The following CATSPERE variants were observed in gnomAD, a reference collection of about 807,000 sequenced individuals.
CATSPERE encodes cation channel sperm-associated auxiliary subunit epsilon.
In CATSPERE, 93 loss-of-function variants were observed where a neutral mutation model predicts 114.1. The ratio of observed to expected loss-of-function variants is 0.81; its 90% CI spans 0.69 to 0.97. CATSPERE has a LOEUF of 0.97. Ranked by LOEUF, CATSPERE falls within the 50% of genes least tolerant of loss-of-function variation. The pLI is 0.00. For missense variants in CATSPERE, 1,058 were observed against 1,131.6 expected (o/e 0.93, Z 0.93); for synonymous variants, 341 against 384.1 (o/e 0.89, Z 1.31).
intron 9 of CATSPERE, among the ~76,000 whole-genome samples, chr1:244,558,162 C>T (rs1213814191): frequency 5.8e-5 from 5 of 86,300 alleles, no homozygotes; most frequent in African/African-American, 2.1e-4. Flanking sequence ...TTTTTTGAGA[C>T]GGAGTTTTAC....
chr1:244,485,899 T>C (rs1670935119), intron 5 of CATSPERE, among the ~76,000 whole-genome samples: 1 of 151,962 alleles, frequency 6.6e-6, no homozygotes, highest in East Asian at 1.9e-4. Flanking sequence ...TTTCACTTTG[T>C]TGCCCAAGGT....
chr1:244,523,831 T>C (rs1258307699), intron 8 of CATSPERE, among the ~76,000 whole-genome samples: 2 of 147,756 alleles, frequency 1.4e-5, no homozygotes, highest in Non-Finnish European at 3.0e-5. Flanking sequence ...CTCAATGAAA[T>C]AAAAGAGGAT....
Position 244,591,739 on chromosome 1 carries a change from A to G in CATSPERE, c.2189+8A>G. The G allele has an allele frequency of 6.8e-7, 1 of 1,480,990 alleles. No individual in the cohort carries two copies. The highest frequency in any genetic ancestry group is 9.4e-7 in the Non-Finnish European group (1 of 1,066,482). The allele number at this position is 1,480,990 out of a possible 1,614,324, so 91.7% of individuals were successfully genotyped here. ...TTCATACGTGATTGAAAAGTAAGAA[A>G]TTTTTTAACATAAGCACTGAGTTTT... On this transcript the variant is annotated splice_region_variant and intron_variant, in intron 15 of 21. Transcript: ENST00000366534.
chr1:244,473,358 G>A (rs1487641430), intron 2 of CATSPERE, among the ~76,000 whole-genome samples: 2 of 152,066 alleles, frequency 1.3e-5, no homozygotes, highest in African/African-American at 4.8e-5. Context: ...AATGACATAC[G>A]ATGTGGAGAG....
chr1:244,549,958 GAA>G (rs1411522588), intron 8 of CATSPERE, among the ~76,000 whole-genome samples: 1 of 152,214 alleles, frequency 6.6e-6, no homozygotes, highest in Non-Finnish European at 1.5e-5. Flanking sequence ...AAGGGCAAAA[GAA>G]GAGCGAATGC....
intron 17 of CATSPERE, among the ~76,000 whole-genome samples, chr1:244,605,379 T>TA (rs1669848997): frequency 6.6e-6 from 1 of 152,212 alleles, no homozygotes; most frequent in Admixed American, 6.5e-5. Flanking sequence ...GAAGAGAACT[T>TA]AGAGTTCCAA....
rs569162015 is a variant in CATSPERE, at chr1:244,639,730, G to A, written c.2703-198G>A. Among the ~76,000 whole-genome samples, 9 of 149,712 alleles carry A rather than the reference G, an allele frequency of 6.0e-5. No homozygotes were observed. The South Asian group carries it at 1.9e-3, about 32-fold the overall frequency. On this transcript the variant is annotated intron_variant, in intron 21 of 21. Transcript: ENST00000366534. ...CCTCCTCCCATTGCATCACTGCATTGATCACCTTGTCTATTTTCCTCCCTG... is the reference window on the plus strand; with the variant it reads ...CCTCCTCCCATTGCATCACTGCATTAATCACCTTGTCTATTTTCCTCCCTG...
chr1:244,575,751 C>G lies in CATSPERE; in HGVS notation c.1950+2979C>G, dbSNP rs1412822796. On this transcript the variant is annotated intron_variant, in intron 11 of 21. Coordinates refer to ENST00000366534, the MANE Select transcript of CATSPERE (RefSeq NM_001130957.2). This position sits in a 1 kb window ranked among gnomAD's most constrained non-coding sequence, Gnocchi z 4.5. The stretch of plus-strand genomic sequence containing the variant: ...CGCTGCTGTTCTCCCCTCTCCTTCC[C>G]TTTCCCCTAGGGAGCAGCTGGTGGG... 6.6e-6 allele frequency among the ~76,000 whole-genome samples: 1 copy of G among 152,068 alleles called. No individual in the cohort carries two copies. Among genetic ancestry groups the G allele is most frequent in the Non-Finnish European group, 1.5e-5 (1 of 68,004 alleles).
chr1:244,465,632 A>G (rs897286057), intron 2 of CATSPERE, among the ~76,000 whole-genome samples: 15 of 152,130 alleles, frequency 9.9e-5, no homozygotes, highest in African/African-American at 3.6e-4. Context: ...CTTAACTGCT[A>G]TAGCTTTCTA....
Position 244,479,793 on chromosome 1 carries a change from T to G in CATSPERE, c.326+9T>G. ...TGGTACTATAGAGTTAGGTAAGTAATGCAGTACTGAATAGGTAATTATGCT... is the reference window on the plus strand; with the variant it reads ...TGGTACTATAGAGTTAGGTAAGTAAGGCAGTACTGAATAGGTAATTATGCT... On this transcript the variant is annotated intron_variant, in intron 5 of 21. Coordinates refer to ENST00000366534, the MANE Select transcript of CATSPERE (RefSeq NM_001130957.2). 1 of 1,499,274 alleles carries G rather than the reference T, an allele frequency of 6.7e-7. No homozygotes were observed. The highest frequency in any genetic ancestry group is 9.2e-7 in the Non-Finnish European group (1 of 1,088,034). The allele number at this position is 1,499,274 out of a possible 1,614,324, so 92.9% of individuals were successfully genotyped here. A position where few individuals can be genotyped will look rare whatever the true frequency, so the allele number is the denominator to read the frequency against.
rs74723640 is a variant in CATSPERE, at chr1:244,502,583, C to T, written c.429+3504C>T. ...CAGTGTTTTAAAGACACTGTTTCAC[C>T]GGCTCCTTACTTCCACTGTTGCTGT... On this transcript the variant is annotated intron_variant, in intron 7 of 21. Transcript: ENST00000366534. Among the ~76,000 whole-genome samples, 360 of 152,178 alleles carry T rather than the reference C, an allele frequency of 2.4e-3. 8 individuals carry two copies. In the East Asian group the frequency reaches 0.048, roughly 20 times the overall value.
intron 17 of CATSPERE, chr1:244,598,338 A>T (rs574202316): frequency 6.5e-6 from 1 of 153,174 alleles, no homozygotes; most frequent in African/African-American, 2.4e-5. Flanking sequence ...CATGACCTGA[A>T]CCCTGGTATA....
At chr1:244,587,971 G>A (rs534417512) in intron 13 of CATSPERE, among the ~76,000 whole-genome samples, 1 of 152,114 alleles carries the variant, frequency 6.6e-6, no homozygotes, top group Non-Finnish European at 1.5e-5. Context: ...GAGGCAGGTG[G>A]ATCACATGAG....
intron 12 of CATSPERE, among the ~76,000 whole-genome samples, chr1:244,582,909 TGATATATATATATATATATATATATA>T (rs1666400245): frequency 7.4e-5 from 2 of 27,062 alleles, no homozygotes; most frequent in Non-Finnish European, 1.8e-4. Context: ...AAACAGAATT[TGATATATATATATATATATATATATA>T]TATATATATA....
At chr1:244,548,277 A>T (rs893662162) in intron 8 of CATSPERE, among the ~76,000 whole-genome samples, 1 of 152,232 alleles carries the variant, frequency 6.6e-6, no homozygotes, top group Non-Finnish European at 1.5e-5. Flanking sequence ...TAGCCATGGT[A>T]GCAGAAATTG....
Position 244,560,867 on chromosome 1 carries a change from G to C in CATSPERE, c.1229G>C (p.Cys410Ser), listed in dbSNP as rs780739063. 1.1e-5 allele frequency: 18 copies of C among 1,613,940 alleles called. No homozygotes were observed. The Admixed American group carries it at 2.5e-4, about 22-fold the overall frequency. ...PLEIAVFLNYCTVCNVTKKIF... is the reference protein window; with the variant it reads ...PLEIAVFLNYSTVCNVTKKIF... Reference sequence around the variant, plus strand: ...GAGATTGCTGTGTTTTTAAATTATTGCACTGTATGTAACGTCACCAAAAAG... The same window carrying C: ...GAGATTGCTGTGTTTTTAAATTATTCCACTGTATGTAACGTCACCAAAAAG... Residue 410 changes from cysteine to serine, a missense_variant, in exon 10 of 22, where the codon TGC (cysteine) becomes TCC (serine). By Grantham distance (112) the Cys-to-Ser change is moderately radical. Coordinates refer to ENST00000366534, the MANE Select transcript of CATSPERE (RefSeq NM_001130957.2).
chr1:244,597,534 C>CT (rs34454607), intron 17 of CATSPERE, among the ~76,000 whole-genome samples: 44,639 of 128,088 alleles, frequency 0.35, 8,901 homozygotes, highest in East Asian at 0.53. Flanking sequence ...TCCCTGATTT[C>CT]TTTTTTTTTT....
At chr1:244,489,372 T>G (rs1671577594) in intron 5 of CATSPERE, among the ~76,000 whole-genome samples, 2 of 150,108 alleles carry the variant, frequency 1.3e-5, no homozygotes, top group Non-Finnish European at 2.9e-5. Flanking sequence ...TTATGCAGAA[T>G]GACAATATCA....
At chr1:244,525,186 G>A (rs891842956) in intron 8 of CATSPERE, among the ~76,000 whole-genome samples, 38 of 148,856 alleles carry the variant, frequency 2.6e-4, no homozygotes, top group African/African-American at 8.7e-4. Context: ...CATGTCCTTT[G>A]TAGGGACATG....
Sources: allele counts gnomAD v4.1 joint callset (sites outside exome capture counted in the v4.1 genomes callset), GRCh38; gene constraint gnomAD v4.1.1; non-coding constraint Gnocchi (gnomAD v3.1); transcripts MANE v1.5; gene names NCBI Gene and HGNC (gene_info 2026-07-23, HGNC 2026-07-21).